Variants in PSMA7 observed in about 807,000 individuals in gnomAD.
PSMA7 encodes the protein proteasome 20S subunit alpha 7, also known as proteasome subunit alpha type-7.
Under a neutral mutation model 31.3 loss-of-function variants are expected in PSMA7, and 5 were observed. That is an observed-to-expected ratio of 0.16 (90% CI 0.08 to 0.34). The LOEUF (loss-of-function observed/expected upper bound fraction) is 0.34. PSMA7 is among the 10% of genes least tolerant of loss of function. The pLI, the probability that PSMA7 is intolerant of heterozygous loss-of-function variation, is 1.00. For synonymous variants in PSMA7, 155 were observed against 121.9 expected (o/e 1.27, Z -1.79); for missense variants, 217 against 327.5 (o/e 0.66, Z 2.60).
At chr20:62,140,053 C>G in intron 2 of PSMA7, 148 bp from the exon 3 acceptor site, 2 of 1,118,376 alleles carry the variant, frequency 1.8e-6, no homozygotes, top group Non-Finnish European at 1.2e-6. Context: ...AACCTATCAG[C>G]CCCTGGGAAC....
In PSMA7 at chr20:62,137,115, A is replaced by AAGCAGCAGTAGC. The variant is rs1555816439; in HGVS notation, c.655-178_655-167dup. ...TGCTGGCCTGACCTAGACAAGTATT[A>AAGCAGCAGTAGC]AGCAGCAGTAGCAGCAGCAGCAGAT... is the stretch of plus-strand genomic sequence containing the variant. On this transcript the variant is annotated intron_variant, in intron 6 of 6. Coordinates refer to ENST00000370873, the MANE Select transcript of PSMA7 (RefSeq NM_002792.4). Among the ~76,000 whole-genome samples, 167 of 79,524 alleles carry AAGCAGCAGTAGC rather than the reference A, an allele frequency of 2.1e-3. 1 individual carries two copies. Among genetic ancestry groups the AAGCAGCAGTAGC allele is most frequent in the African/African-American group, 4.3e-3 (162 of 37,380 alleles). The allele number at this position is 79,524 out of a possible 152,430, so 52.2% of individuals were successfully genotyped here.
At position 62,139,897 on chromosome 20, in the gene PSMA7, C is replaced by T. The variant is rs2056917075; in HGVS notation, c.232G>A (p.Ala78Thr). ...NVCMAFAGLT[A>T]DARIVINRAR... is the part of the protein sequence containing the mutation. ...CTGTTGATGACTATCCTTGCATCGG[C>T]GGTGAGGCCTGCAAGGAAAGCAGAG... is the stretch of plus-strand genomic sequence containing the variant. Residue 78 changes from alanine (A) to threonine (T), a missense_variant, in exon 3 of 7, where the codon GCC becomes ACC. Ala to Thr is a moderately conservative substitution (Grantham distance 58). This residue lies in a region of PSMA7 where 53 missense variants were observed against 119.4 expected (regional missense o/e 0.44). Transcript: ENST00000370873. 2 of 1,613,506 alleles carry T rather than the reference C, an allele frequency of 1.2e-6. No homozygotes were observed. Among genetic ancestry groups the T allele is most frequent in the Non-Finnish European group, 1.7e-6 (2 of 1,179,940 alleles).
intron 3 of PSMA7, chr20:62,139,517 G>T: frequency 1.4e-6 from 1 of 693,294 alleles, no homozygotes; most frequent in Non-Finnish European, 2.4e-6. Flanking sequence ...TTTGTGACTG[G>T]TCACTCAGGA....
intron 4 of PSMA7, among the ~76,000 whole-genome samples, chr20:62,138,679 T>C (rs1006660332): frequency 2.6e-5 from 4 of 151,720 alleles, no homozygotes; most frequent in East Asian, 1.9e-4. Context: ...CTCAGCCTCC[T>C]GAGTAGCTGG....
chr20:62,137,317 T>C (rs373326721), intron 6 of PSMA7, 47 bp downstream of exon 6: 8 of 1,582,916 alleles, frequency 5.1e-6, no homozygotes, highest in African/African-American at 4.0e-5. Context: ...GCCCTGATCA[T>C]GGGAGAAAAC....
At position 62,139,376 on chromosome 20, in the gene PSMA7, C is replaced by T; in HGVS notation, c.349-179G>A. 3.6e-6 allele frequency: 3 copies of T among 834,490 alleles called. No homozygotes were observed. The South Asian group carries it at 5.7e-5, about 16-fold the overall frequency. The allele number at this position is 834,490 out of a possible 1,614,324, so 51.7% of individuals were successfully genotyped here. ...AACATCCTTTTCTGCATTTTCACTC[C>T]TAGAAAAACTCACCTAGGACCAGAA... On this transcript the variant is annotated intron_variant, in intron 3 of 6. Coordinates refer to ENST00000370873, the MANE Select transcript of PSMA7 (RefSeq NM_002792.4).
In PSMA7 at chr20:62,137,372, A is replaced by T. The variant is rs755228508; in HGVS notation, c.646T>A (p.Ser216Thr). 2 of 1,614,146 alleles carry T rather than the reference A, an allele frequency of 1.2e-6. No individual in the cohort carries two copies. The highest frequency in any genetic ancestry group is 3.3e-5 in the Admixed American group (2 of 60,012). The change falls in exon 6 of 7, where the codon TCC becomes ACC. Residue 216 changes from serine to threonine, a missense_variant. Physicochemically the swap from Ser to Thr is moderately conservative, Grantham distance 58. Around this residue, in one of 3 missense-constraint regions of PSMA7, gnomAD observed 88 missense variants for 111.6 expected, o/e 0.79. Transcript: ENST00000370873. The stretch of plus-strand genomic sequence containing the variant: ...ACAAACTTGGTGATTACCTTGAGGG[A>T]TTGATCTCGCCTCATGACAGCAAGT... ...IELAVMRRDQ[S>T]LKILNPEEIE...
chr20:62,139,206 A>C lies in PSMA7; in HGVS notation c.349-9T>G. On this transcript the variant is annotated splice_polypyrimidine_tract_variant and intron_variant, in intron 3 of 6. Coordinates refer to ENST00000370873, the MANE Select transcript of PSMA7 (RefSeq NM_002792.4). ...TTGCTCTGCGTATAACGCTAGCAAG[A>C]AAAGAAACAGGTCAGTGCCATCCAA... The C allele has an allele frequency of 6.2e-7, 1 of 1,613,110 alleles. No homozygotes were observed. The highest frequency in any genetic ancestry group is 8.5e-7 in the Non-Finnish European group (1 of 1,179,386).
chr20:62,137,997 T>G (rs2056905204), intron 5 of PSMA7, among the ~76,000 whole-genome samples, 174 bp downstream of exon 5: 1 of 152,208 alleles, frequency 6.6e-6, no homozygotes, highest in Admixed American at 6.6e-5. Context: ...CATGGCTATT[T>G]CAAGGAACAC....
rs763877348 is a variant in PSMA7 at position 62,139,197 on chromosome 20, G to A, written c.349C>T (p.Arg117Cys). ...CTGCGCCCATTGCTCTGCGTATAAC[G>A]CTAGCAAGAAAAGAAACAGGTCAGT... is the stretch of plus-strand genomic sequence containing the variant. ...ITRYIASLKQ[R>C]YTQSNGRRPF... Residue 117 changes from arginine to cysteine, a missense_variant and splice_region_variant, in exon 4 of 7, where the codon CGT becomes TGT. By Grantham distance (180) the Arg-to-Cys change is radical (BLOSUM62 -3). This residue lies in a region of PSMA7 where 53 missense variants were observed against 119.4 expected (regional missense o/e 0.44). Transcript: ENST00000370873. 1.4e-5 allele frequency: 22 copies of A among 1,612,848 alleles called. No homozygotes were observed. The highest frequency in any genetic ancestry group is 1.3e-4 in the South Asian group (12 of 91,002).
chr20:62,139,382 A>G, intron 3 of PSMA7, 185 bp from the exon 4 acceptor site: 1 of 796,610 alleles, frequency 1.3e-6, no homozygotes, highest in Non-Finnish European at 1.9e-6. Context: ...ACTCCTAGAA[A>G]AACTCACCTA....
Position 62,136,846 on chromosome 20 carries a change from C to A in PSMA7, c.*11G>T. The A allele has an allele frequency of 6.3e-7, 1 of 1,589,902 alleles. No individual in the cohort carries two copies. The highest frequency in any genetic ancestry group is 1.2e-5 in the South Asian group (1 of 86,166). On this transcript the variant is annotated 3_prime_UTR_variant, in exon 7 of 7. Coordinates refer to ENST00000370873, the MANE Select transcript of PSMA7 (RefSeq NM_002792.4). ...TGAATTTAAAAATTACAAGCAAAGA[C>A]ATTTTATTCATCATGATGCTTTCTT...
rs1011017581 is a variant in PSMA7 at position 62,136,966 on chromosome 20, C to A, written c.655-17G>T. The A allele has an allele frequency of 1.9e-6, 3 of 1,595,978 alleles. No individual in the cohort carries two copies. The highest frequency in any genetic ancestry group is 1.4e-5 in the African/African-American group (1 of 73,678). On this transcript the variant is annotated splice_polypyrimidine_tract_variant and intron_variant, in intron 6 of 6. Transcript: ENST00000370873. ...ATTTAAAATCTATAGAAAAAAACTT[C>A]ATGGTTACCTAAGCCACACAAGGTG...
intron 1 of PSMA7, chr20:62,142,537 T>G (rs1445144922): frequency 6.6e-6 from 1 of 152,234 alleles, no homozygotes; most frequent in African/African-American, 2.4e-5. Context: ...CTAAGGTCAA[T>G]GTACACGAGC....
chr20:62,142,323 G>C (rs1195847111), intron 1 of PSMA7, among the ~76,000 whole-genome samples: 1 of 152,184 alleles, frequency 6.6e-6, no homozygotes, highest in Non-Finnish European at 1.5e-5. Flanking sequence ...AGCTGAGTTA[G>C]ATCACCTGAT....
At chr20:62,141,094 C>T in intron 1 of PSMA7, 150 bp from the exon 2 acceptor site, 1 of 1,023,712 alleles carries the variant, frequency 9.8e-7, no homozygotes, top group East Asian at 2.5e-5. Flanking sequence ...CATGGGAAAA[C>T]CCTGTCTCTA....
At chr20:62,141,763 G>A (rs775592533) in intron 1 of PSMA7, among the ~76,000 whole-genome samples, 8 of 152,236 alleles carry the variant, frequency 5.3e-5, no homozygotes, top group East Asian at 1.9e-4. Context: ...CTGATTTGCC[G>A]TCAGTGGACA....
intron 2 of PSMA7, among the ~76,000 whole-genome samples, chr20:62,140,230 C>T (rs6121910): frequency 0.062 from 9,470 of 152,280 alleles, 909 homozygotes; most frequent in African/African-American, 0.21. Context: ...TTTAAAAACA[C>T]AGATCAACAG....
intron 3 of PSMA7, 27 bp from the exon 4 acceptor site, chr20:62,139,224 C>G (rs2056912700): frequency 6.2e-7 from 1 of 1,602,470 alleles, no homozygotes; most frequent in African/African-American, 1.3e-5. Context: ...CAGGTCAGTG[C>G]CATCCAATTA....
Sources: allele counts gnomAD v4.1 joint callset (sites outside exome capture counted in the v4.1 genomes callset), GRCh38; gene constraint gnomAD v4.1.1; regional missense constraint gnomAD v4.1.1; transcripts MANE v1.5; gene names NCBI Gene and HGNC (gene_info 2026-07-23, HGNC 2026-07-21).